Variants in PHACTR1 observed in about 807,000 individuals in gnomAD.
PHACTR1 encodes phosphatase and actin regulator 1, also known as RPEL repeat containing 1.
PHACTR1 carries 16 observed loss-of-function variants against 69.2 expected under a neutral mutation model. That is an observed-to-expected ratio of 0.23 (90% confidence interval 0.16 to 0.35). The LOEUF is 0.35. Ranked by LOEUF, PHACTR1 falls within the 10% of genes least tolerant of loss-of-function variation. The pLI, the probability that PHACTR1 is intolerant of heterozygous loss-of-function variation, is 1.00. For synonymous variants in PHACTR1, 312 were observed against 284.5 expected (o/e 1.10, Z -0.97); for missense variants, 510 against 734.7 (o/e 0.69, Z 3.54).
At chr6:12,817,342 A>G (rs1021755893) in intron 4 of PHACTR1, among the ~76,000 whole-genome samples, 3 of 152,158 alleles carry the variant, frequency 2.0e-5, no homozygotes, top group African/African-American at 7.2e-5. Context: ...AGACCCTTCT[A>G]CCCATCAAAA....
intron 3 of PHACTR1, among the ~76,000 whole-genome samples, chr6:12,732,823 C>T (rs543502829): frequency 7.9e-4 from 120 of 152,212 alleles, no homozygotes; most frequent in African/African-American, 2.9e-3. Flanking sequence ...ATGAAATAAT[C>T]AGACACAGTT....
At chr6:13,086,040 C>A in intron 5 of PHACTR1, among the ~76,000 whole-genome samples, 1 of 113,474 alleles carries the variant, frequency 8.8e-6, no homozygotes, top group African/African-American at 3.9e-5. Context: ...GAGTAAAAAT[C>A]TAGGCAAAGT....
chr6:12,776,294 C>G (rs1165238167), intron 4 of PHACTR1, among the ~76,000 whole-genome samples: 2 of 152,190 alleles, frequency 1.3e-5, no homozygotes, highest in African/African-American at 4.8e-5. Flanking sequence ...GTTGTCTTAA[C>G]ACACTCCTCA....
Position 13,184,376 on chromosome 6 carries a change from G to T in PHACTR1, c.664+1690G>T, listed in dbSNP as rs918702956. Among the ~76,000 whole-genome samples, 4 of 152,290 alleles carry T rather than the reference G, an allele frequency of 2.6e-5. No homozygotes were observed. In the South Asian group the frequency reaches 8.3e-4, roughly 32 times the overall value. ...AGGGCAAGCAGGCCCCAGCGAGGCT[G>T]CTGGCATTCAGTTCTGGTTTGGTTT... On this transcript the variant is annotated intron_variant, in intron 7 of 14. Coordinates refer to ENST00000332995, the MANE Select transcript of PHACTR1 (RefSeq NM_030948.6).
chr6:12,858,684 T>C (rs919722413), intron 4 of PHACTR1, among the ~76,000 whole-genome samples: 1 of 152,066 alleles, frequency 6.6e-6, no homozygotes, highest in African/African-American at 2.4e-5. Flanking sequence ...TAGTCCCAGC[T>C]ACTTGGTAGG....
At chr6:12,808,174 T>A (rs1246065700) in intron 4 of PHACTR1, among the ~76,000 whole-genome samples, 1 of 152,248 alleles carries the variant, frequency 6.6e-6, no homozygotes, top group Non-Finnish European at 1.5e-5. Flanking sequence ...TGTAAGCACA[T>A]GAACAGAAAC....
At chr6:12,922,981 G>GAA (rs1240921720) in intron 4 of PHACTR1, among the ~76,000 whole-genome samples, 1 of 152,180 alleles carries the variant, frequency 6.6e-6, no homozygotes, top group Non-Finnish European at 1.5e-5. Context: ...AATACTTACT[G>GAA]AATGTTTTCT....
chr6:13,264,112 G>T, intron 10 of PHACTR1, among the ~76,000 whole-genome samples: 1 of 152,198 alleles, frequency 6.6e-6, no homozygotes, highest in East Asian at 1.9e-4. Flanking sequence ...GTCATCTTCA[G>T]TGTATCTCAA....
intron 4 of PHACTR1, among the ~76,000 whole-genome samples, chr6:13,049,497 T>C (rs193297689): frequency 1.7e-4 from 26 of 152,362 alleles, no homozygotes; most frequent in Admixed American, 1.3e-3. Flanking sequence ...ATTCTCAAAC[T>C]GAATATTTTA....
intron 6 of PHACTR1, among the ~76,000 whole-genome samples, chr6:13,168,082 T>C (rs6916503): frequency 0.061 from 9,237 of 152,266 alleles, 758 homozygotes; most frequent in African/African-American, 0.18. Flanking sequence ...TTGTTTGTCA[T>C]GTTTTTAGCT....
intron 4 of PHACTR1, among the ~76,000 whole-genome samples, chr6:12,814,522 G>A (rs1018117682): frequency 6.6e-6 from 1 of 152,202 alleles, no homozygotes; most frequent in African/African-American, 2.4e-5. Flanking sequence ...TCTTGCACCT[G>A]ATCAGGTTTT....
At chr6:12,911,298 T>G (rs527796475) in intron 4 of PHACTR1, among the ~76,000 whole-genome samples, 1 of 152,158 alleles carries the variant, frequency 6.6e-6, no homozygotes, top group Non-Finnish European at 1.5e-5. Flanking sequence ...GAAATCGACA[T>G]TGGGGGCTTT....
chr6:12,743,101 C>T (rs537690364), intron 3 of PHACTR1, among the ~76,000 whole-genome samples: 1 of 151,908 alleles, frequency 6.6e-6, no homozygotes, highest in East Asian at 1.9e-4. Flanking sequence ...TTGCATTACC[C>T]ATTCCCTTTC....
intron 4 of PHACTR1, among the ~76,000 whole-genome samples, chr6:12,856,155 T>C (rs1780332609): frequency 6.6e-6 from 1 of 152,170 alleles, no homozygotes; most frequent in South Asian, 2.1e-4. Context: ...GGGAGTAGAA[T>C]TGTTTGGTCC....
At chr6:12,937,422 C>T (rs1789583635) in intron 4 of PHACTR1, among the ~76,000 whole-genome samples, 1 of 151,940 alleles carries the variant, frequency 6.6e-6, no homozygotes, top group African/African-American at 2.4e-5. Context: ...AATCTCAGCT[C>T]ACTGCAACCT....
chr6:12,756,889 T>C (rs1437181179), intron 4 of PHACTR1, among the ~76,000 whole-genome samples: 1 of 152,206 alleles, frequency 6.6e-6, no homozygotes, highest in Non-Finnish European at 1.5e-5. Flanking sequence ...ACCTGTATTA[T>C]TCGTGAGTTT....
intron 5 of PHACTR1, among the ~76,000 whole-genome samples, chr6:13,120,472 A>C (rs1459366813): frequency 6.6e-6 from 1 of 152,234 alleles, no homozygotes; most frequent in Non-Finnish European, 1.5e-5. Context: ...TGACTGTCGA[A>C]GCACGCTGCT....
At chr6:12,929,503 C>T (rs184578556) in intron 4 of PHACTR1, among the ~76,000 whole-genome samples, 308 of 152,254 alleles carry the variant, frequency 2.0e-3, no homozygotes, top group Non-Finnish European at 2.5e-3. Context: ...AAATGTTATC[C>T]TCAGATGATG....
intron 5 of PHACTR1, among the ~76,000 whole-genome samples, chr6:13,102,963 G>A (rs931918620): frequency 9.2e-5 from 14 of 152,098 alleles, no homozygotes; most frequent in African/African-American, 3.1e-4. Flanking sequence ...CCTTTGCTTC[G>A]TTCTTTGTAG....
Sources: allele counts gnomAD v4.1 joint callset (sites outside exome capture counted in the v4.1 genomes callset), GRCh38; gene constraint gnomAD v4.1.1; transcripts MANE v1.5; gene names NCBI Gene and HGNC (gene_info 2026-07-23, HGNC 2026-07-21).